LDLRAD3: variants seen among roughly 807,000 people sequenced by gnomAD.
The protein encoded by LDLRAD3 is low density lipoprotein receptor class A domain containing 3.
LDLRAD3 carries 20 observed loss-of-function variants against 29.4 expected under a neutral mutation model. The observed-to-expected ratio is 0.68, with a 90% CI of 0.48 to 0.99. The LOEUF (loss-of-function observed/expected upper bound fraction) is 0.99. LDLRAD3 is among the 50% of genes least tolerant of loss of function. The pLI is 0.00. For missense variants in LDLRAD3, 420 were observed against 454.3 expected, an observed-to-expected ratio of 0.92 and a Z score of 0.69; for synonymous variants, 157 against 192.7, an observed-to-expected ratio of 0.81 and a Z score of 1.53.
At chr11:36,101,993 A>G in intron 4 of LDLRAD3, 1 of 213,404 alleles carries the variant, frequency 4.7e-6, no homozygotes, top group South Asian at 4.7e-5. Flanking sequence ...GGTTCACGCC[A>G]TTCTCCTGCC....
At chr11:36,054,970 CATGGATGGATGGATGGATGG>C (rs147422335) in intron 2 of LDLRAD3, among the ~76,000 whole-genome samples, 2 of 87,310 alleles carry the variant, frequency 2.3e-5, no homozygotes, top group African/African-American at 9.2e-5. Flanking sequence ...TGGATGGATG[CATGGATGGATGGATGGATGG>C]ATGGATGGAT....
At position 36,229,478 on chromosome 11, in the gene LDLRAD3, C is replaced by A; in HGVS notation, c.*81C>A. 1.0e-6 allele frequency: 1 copy of A among 982,728 alleles called. No individual in the cohort carries two copies. The highest frequency in any genetic ancestry group is 1.6e-6 in the Non-Finnish European group (1 of 637,594). 60.9% of individuals were successfully genotyped at this position (982,728 alleles called of 1,614,324 possible). On this transcript the variant is annotated 3_prime_UTR_variant, in exon 6 of 6. Transcript: ENST00000315571. Reference sequence around the variant, plus strand: ...TAACAATTTGTGCTCATGGGAAGCTCTTTAAGCACCTGTAAGGGTGTCTCA... The same window carrying A: ...TAACAATTTGTGCTCATGGGAAGCTATTTAAGCACCTGTAAGGGTGTCTCA...
intron 4 of LDLRAD3, among the ~76,000 whole-genome samples, chr11:36,168,503 T>C (rs1288357806): frequency 2.3e-5 from 3 of 129,192 alleles, no homozygotes; most frequent in African/African-American, 8.8e-5. Flanking sequence ...TTCTTCTTTT[T>C]TTTTTTTTTT....
chr11:35,949,384 A>C (rs1011235257), intron 1 of LDLRAD3, among the ~76,000 whole-genome samples: 1 of 152,192 alleles, frequency 6.6e-6, no homozygotes, highest in Non-Finnish European at 1.5e-5. Context: ...TAGGAGCACA[A>C]GCTGCCAGAT....
intron 2 of LDLRAD3, among the ~76,000 whole-genome samples, chr11:36,059,176 G>C (rs1852663018): frequency 6.6e-6 from 1 of 152,022 alleles, no homozygotes; most frequent in East Asian, 1.9e-4. Flanking sequence ...GACCAGCCTG[G>C]GAAACATAGT....
intron 4 of LDLRAD3, among the ~76,000 whole-genome samples, chr11:36,111,322 C>T (rs1383596925): frequency 1.3e-5 from 2 of 152,120 alleles, no homozygotes; most frequent in Non-Finnish European, 2.9e-5. Context: ...GTTTGGGAAG[C>T]TCAGTGACCA....
At chr11:36,000,781 T>A (rs1290925151) in intron 1 of LDLRAD3, among the ~76,000 whole-genome samples, 1 of 151,980 alleles carries the variant, frequency 6.6e-6, no homozygotes, top group Non-Finnish European at 1.5e-5. Flanking sequence ...TGACCCATCC[T>A]CGGTGTGGGA....
chr11:36,011,016 G>T (rs1851948514), intron 1 of LDLRAD3, among the ~76,000 whole-genome samples: 2 of 152,154 alleles, frequency 1.3e-5, no homozygotes, highest in African/African-American at 2.4e-5. Context: ...TGTTGGTCAG[G>T]CTGGTCTCGA....
At chr11:36,207,485 A>G (rs1014040420) in intron 4 of LDLRAD3, among the ~76,000 whole-genome samples, 1 of 152,148 alleles carries the variant, frequency 6.6e-6, no homozygotes, top group African/African-American at 2.4e-5. Flanking sequence ...CCCTGTCTCT[A>G]AAAATAATTT....
chr11:35,956,311 C>A (rs1851200308), intron 1 of LDLRAD3, among the ~76,000 whole-genome samples: 2 of 152,126 alleles, frequency 1.3e-5, no homozygotes, highest in Non-Finnish European at 2.9e-5. Flanking sequence ...CATAGCAAGA[C>A]CCCCATCTCT....
chr11:36,223,886 A>G (rs1855462966), intron 4 of LDLRAD3, among the ~76,000 whole-genome samples: 1 of 151,792 alleles, frequency 6.6e-6, no homozygotes, highest in African/African-American at 2.4e-5. Flanking sequence ...TGGTAAGAAC[A>G]GCAACACTAA....
chr11:36,131,786 G>C (rs1853929301), intron 4 of LDLRAD3, among the ~76,000 whole-genome samples: 1 of 152,194 alleles, frequency 6.6e-6, no homozygotes, highest in African/African-American at 2.4e-5. Flanking sequence ...ACATTTGCAT[G>C]GTTTATTCCA....
intron 2 of LDLRAD3, among the ~76,000 whole-genome samples, chr11:36,073,149 T>C (rs1452630975): frequency 6.6e-6 from 1 of 152,244 alleles, no homozygotes; most frequent in Non-Finnish European, 1.5e-5. Flanking sequence ...TTTCCTCCAC[T>C]CTCATCTACT....
At chr11:36,100,439 T>C (rs1331023513) in intron 4 of LDLRAD3, among the ~76,000 whole-genome samples, 1 of 152,246 alleles carries the variant, frequency 6.6e-6, no homozygotes, top group Non-Finnish European at 1.5e-5. Context: ...CGATTGTTTC[T>C]TTTTTTGGGG....
At chr11:36,105,238 T>TGTGTGTGTGTGTGTGTGA (rs1343780985) in intron 4 of LDLRAD3, among the ~76,000 whole-genome samples, 146 of 128,402 alleles carry the variant, frequency 1.1e-3, no homozygotes, top group East Asian at 4.0e-3. Context: ...TGTGTGTGTG[T>TGTGTGTGTGTGTGTGTGA]GAGAGAGAGA....
At chr11:35,969,659 C>G (rs1032054296) in intron 1 of LDLRAD3, among the ~76,000 whole-genome samples, 2 of 152,184 alleles carry the variant, frequency 1.3e-5, no homozygotes, top group South Asian at 4.1e-4. Flanking sequence ...CCATAGGCCC[C>G]GTGTTGCCTT....
intron 4 of LDLRAD3, among the ~76,000 whole-genome samples, chr11:36,193,523 G>C (rs995652177): frequency 6.6e-6 from 1 of 152,206 alleles, no homozygotes; most frequent in Non-Finnish European, 1.5e-5. Context: ...TGCACGCTGA[G>C]ATGTGTGCTT....
At chr11:36,022,801 T>C (rs1263899748) in intron 1 of LDLRAD3, among the ~76,000 whole-genome samples, 1 of 152,082 alleles carries the variant, frequency 6.6e-6, no homozygotes, top group Non-Finnish European at 1.5e-5. Flanking sequence ...CCCAAACAGG[T>C]TCGTCTACAC....
At chr11:35,950,249 G>A (rs968630931) in intron 1 of LDLRAD3, among the ~76,000 whole-genome samples, 4 of 152,326 alleles carry the variant, frequency 2.6e-5, no homozygotes, top group South Asian at 4.1e-4. Context: ...ACACAGAGCC[G>A]TGAAGATGTC....
Sources: allele counts gnomAD v4.1 joint callset (sites outside exome capture counted in the v4.1 genomes callset), GRCh38; gene constraint gnomAD v4.1.1; transcripts MANE v1.5; gene names NCBI Gene and HGNC (gene_info 2026-07-23, HGNC 2026-07-21).